The following OSBPL3 variants were observed in gnomAD, a reference collection of about 807,000 sequenced individuals.
The protein encoded by OSBPL3 is oxysterol binding protein like 3.
In OSBPL3, 65 loss-of-function variants were observed where a neutral mutation model predicts 120.1. The ratio of observed to expected loss-of-function variants is 0.54; its 90% confidence interval spans 0.44 to 0.67. The LOEUF (loss-of-function observed/expected upper bound fraction) is 0.67, where lower values mean the gene tolerates loss of function less well. OSBPL3 is among the 30% of genes least tolerant of loss of function. OSBPL3 has a pLI of 0.00. For missense variants in OSBPL3, 1,004 were observed against 1,082.1 expected (o/e 0.93, Z 1.01); for synonymous variants, 416 against 402.6 (o/e 1.03, Z -0.40).
At chr7:24,848,031 T>C (rs1798655405) in intron 12 of OSBPL3, among the ~76,000 whole-genome samples, 1 of 152,030 alleles carries the variant, frequency 6.6e-6, no homozygotes, top group South Asian at 2.1e-4. Flanking sequence ...AGACAGAGGG[T>C]GAGGCTCATG....
At chr7:24,800,628 T>C (rs1287300749) in intron 22 of OSBPL3, among the ~76,000 whole-genome samples, 1 of 151,958 alleles carries the variant, frequency 6.6e-6, no homozygotes, top group East Asian at 1.9e-4. Context: ...GACTAATTTT[T>C]GTATTTTTAG....
At chr7:24,971,984 C>T (rs1164805009) in intron 1 of OSBPL3, among the ~76,000 whole-genome samples, 2 of 152,202 alleles carry the variant, frequency 1.3e-5, no homozygotes, top group Admixed American at 6.5e-5. Flanking sequence ...GTGGGCTTCC[C>T]TGTATTCTTT....
intron 1 of OSBPL3, among the ~76,000 whole-genome samples, chr7:24,943,001 G>A (rs1438029836): frequency 1.3e-5 from 2 of 152,202 alleles, no homozygotes; most frequent in Non-Finnish European, 2.9e-5. Context: ...AAGGTAAGAT[G>A]CTATGGCAAT....
chr7:24,800,955 A>T (rs1175602416), intron 22 of OSBPL3, among the ~76,000 whole-genome samples: 5 of 124,106 alleles, frequency 4.0e-5, no homozygotes, highest in Admixed American at 7.9e-5. Flanking sequence ...TTTTTTTTTT[A>T]AAGGAGGCCG....
intron 1 of OSBPL3, among the ~76,000 whole-genome samples, chr7:24,958,289 C>T (rs1353690430): frequency 6.6e-6 from 1 of 152,102 alleles, no homozygotes; most frequent in Non-Finnish European, 1.5e-5. Flanking sequence ...AAAATGCTAT[C>T]TCCATGTGTT....
chr7:24,884,986 T>G (rs773696979), intron 2 of OSBPL3, among the ~76,000 whole-genome samples: 6 of 151,962 alleles, frequency 3.9e-5, no homozygotes, highest in Non-Finnish European at 5.9e-5. Flanking sequence ...ATTATGAAAT[T>G]GAAAGAAATA....
intron 19 of OSBPL3, among the ~76,000 whole-genome samples, chr7:24,814,500 T>C (rs911248116): frequency 9.2e-5 from 14 of 152,030 alleles, no homozygotes; most frequent in South Asian, 4.2e-4. Flanking sequence ...TAATGTAACA[T>C]TGACCATTTT....
At chr7:24,892,691 G>T in intron 1 of OSBPL3, 70 bp from the exon 2 acceptor site, 1 of 1,167,524 alleles carries the variant, frequency 8.6e-7, no homozygotes, top group Non-Finnish European at 1.1e-6. Flanking sequence ...CAAATTGTCT[G>T]CAAGTGGCTT....
rs1400887988 is a variant in OSBPL3, at chr7:24,932,267, G to A, written c.-149-39646C>T. ...AATTTGAATGCAGGCATTTCGGACTGAAGATCACCTTTTTATCCAGTGTAC... is the reference window on the plus strand; with the variant it reads ...AATTTGAATGCAGGCATTTCGGACTAAAGATCACCTTTTTATCCAGTGTAC... On this transcript the variant is annotated intron_variant, in intron 1 of 22. Transcript: ENST00000313367. This position sits in a 1 kb window ranked among gnomAD's most constrained non-coding sequence, Gnocchi z 5.6. 2.0e-5 allele frequency among the ~76,000 whole-genome samples: 3 copies of A among 152,162 alleles called. No homozygotes were observed. The highest frequency in any genetic ancestry group is 4.4e-5 in the Non-Finnish European group (3 of 68,038).
rs1812632686 is a variant in OSBPL3, at chr7:24,938,102, T to C, written c.-150+41784A>G. On this transcript the variant is annotated intron_variant, in intron 1 of 22. Transcript: ENST00000313367. This position sits in a 1 kb window ranked among gnomAD's most constrained non-coding sequence, Gnocchi z 5.8. ...GCTTATTTGCTATGGGCTGAAAGTTTCTGTCCCGCCAAAACTGGTATGTTG... is the reference window on the plus strand; with the variant it reads ...GCTTATTTGCTATGGGCTGAAAGTTCCTGTCCCGCCAAAACTGGTATGTTG... 6.6e-6 allele frequency among the ~76,000 whole-genome samples: 1 copy of C among 152,232 alleles called. No homozygotes were observed. The highest frequency in any genetic ancestry group is 1.5e-5 in the Non-Finnish European group (1 of 68,046).
intron 15 of OSBPL3, among the ~76,000 whole-genome samples, chr7:24,832,206 CAAAAAAAAAAA>C (rs35738897): frequency 1.0e-5 from 1 of 95,664 alleles, no homozygotes; most frequent in Non-Finnish European, 2.0e-5. Flanking sequence ...GACCCTGTCT[CAAAAAAAAAAA>C]AAAAAAAAGA....
At chr7:24,923,122 T>C (rs901254628) in intron 1 of OSBPL3, among the ~76,000 whole-genome samples, 1 of 152,174 alleles carries the variant, frequency 6.6e-6, no homozygotes, top group Non-Finnish European at 1.5e-5. Context: ...TCCTAGAAGA[T>C]AGTTTCCATC....
Position 24,820,124 on chromosome 7 carries a change from T to C in OSBPL3, c.1948+51A>G, listed in dbSNP as rs763547574. On this transcript the variant is annotated intron_variant, in intron 17 of 22. Transcript: ENST00000313367. This position sits in a 1 kb window ranked among gnomAD's most constrained non-coding sequence, Gnocchi z 4.6. ...GACAGCAATTCTTGGATAAAATAAA[T>C]AGATAACATATTACACAATATGATG... is the stretch of plus-strand genomic sequence containing the variant. 3.9e-6 allele frequency: 5 copies of C among 1,268,374 alleles called. 1 individual carries two copies. The highest frequency in any genetic ancestry group is 2.5e-5 in the South Asian group (2 of 78,626). The allele number at this position is 1,268,374 out of a possible 1,614,324, so 78.6% of individuals were successfully genotyped here. A position where few individuals can be genotyped will look rare whatever the true frequency, so the allele number is the denominator to read the frequency against.
In OSBPL3 at chr7:24,967,868, T is replaced by C. The variant is rs568785604; in HGVS notation, c.-150+12018A>G. Among the ~76,000 whole-genome samples the C allele has an allele frequency of 3.9e-5, 6 of 152,324 alleles. No homozygotes were observed. The highest frequency in any genetic ancestry group is 7.2e-5 in the African/African-American group (3 of 41,568). ...CTGTTGCTGGACATGTCTGTGCTGA[T>C]ACCACCCATACACTTCAAGCTCAGC... On this transcript the variant is annotated intron_variant, in intron 1 of 22. Coordinates refer to ENST00000313367, the MANE Select transcript of OSBPL3 (RefSeq NM_015550.4). This position sits in a 1 kb window ranked among gnomAD's most constrained non-coding sequence, Gnocchi z 5.6.
chr7:24,919,231 G>C (rs935646242), intron 1 of OSBPL3, among the ~76,000 whole-genome samples: 1 of 152,126 alleles, frequency 6.6e-6, no homozygotes, highest in Admixed American at 6.5e-5. Flanking sequence ...TTCGAAGTTG[G>C]AGGAGTCACA....
At position 24,861,784 on chromosome 7, in the gene OSBPL3, A is replaced by G; in HGVS notation, c.871-15T>C. The G allele has an allele frequency of 6.5e-7, 1 of 1,543,294 alleles. No homozygotes were observed. Among genetic ancestry groups the G allele is most frequent in the Non-Finnish European group, 8.8e-7 (1 of 1,140,762 alleles). Reference sequence around the variant, plus strand: ...GGTTTCGGGACCTGAAGTAACACCAAAGGGAGATATTTCTTTTCAGATGCA... The same window carrying G: ...GGTTTCGGGACCTGAAGTAACACCAGAGGGAGATATTTCTTTTCAGATGCA... On this transcript the variant is annotated splice_polypyrimidine_tract_variant and intron_variant, in intron 9 of 22. Transcript: ENST00000313367.
At chr7:24,950,819 T>C (rs1814336655) in intron 1 of OSBPL3, among the ~76,000 whole-genome samples, 2 of 152,170 alleles carry the variant, frequency 1.3e-5, no homozygotes, top group Non-Finnish European at 2.9e-5. Flanking sequence ...AACAAATTAG[T>C]GCAGAATTAA....
chr7:24,979,928 C>T lies in OSBPL3; in HGVS notation c.-192G>A. 3.1e-6 allele frequency: 3 copies of T among 974,682 alleles called. No individual in the cohort carries two copies. Among genetic ancestry groups the T allele is most frequent in the Non-Finnish European group, 3.6e-6 (3 of 824,518 alleles). 60.4% of individuals were successfully genotyped at this position (974,682 alleles called of 1,614,324 possible). A position where few individuals can be genotyped will look rare whatever the true frequency, so the allele number is the denominator to read the frequency against. Reference sequence around the variant, plus strand: ...GGAGACGCTCCCTAGTTCCCCGGGGCCGGGCTCCGGGGTTAGCGCACAGAA... The same window carrying T: ...GGAGACGCTCCCTAGTTCCCCGGGGTCGGGCTCCGGGGTTAGCGCACAGAA... On this transcript the variant is annotated 5_prime_UTR_variant, in exon 1 of 23. Coordinates refer to ENST00000313367, the MANE Select transcript of OSBPL3 (RefSeq NM_015550.4).
chr7:24,903,704 C>A (rs180718813), intron 1 of OSBPL3, among the ~76,000 whole-genome samples: 2 of 152,110 alleles, frequency 1.3e-5, no homozygotes, highest in African/African-American at 2.4e-5. Flanking sequence ...ACACTCAATA[C>A]CTGAATGCCG....
Sources: gnomAD v4.1 joint callset for allele counts (sites outside exome capture counted in the v4.1 genomes callset) on GRCh38, gnomAD v4.1.1 for gene constraint, Gnocchi (gnomAD v3.1) non-coding constraint, MANE v1.5 for transcripts, NCBI Gene and HGNC (gene_info 2026-07-23, HGNC 2026-07-21) for gene names.